Variants in PTPRJ observed in about 807,000 individuals in gnomAD.
The protein encoded by PTPRJ is receptor-type tyrosine-protein phosphatase eta.
In PTPRJ, 129 loss-of-function variants were observed where a neutral mutation model predicts 141.3. The observed-to-expected ratio is 0.91, with a 90% CI of 0.79 to 1.06. The LOEUF is 1.06. Ranked by LOEUF, PTPRJ falls within the 50% of genes least tolerant of loss-of-function variation. The probability of loss-of-function intolerance (pLI) is 0.00; values close to 1 mark genes in which losing one functional copy is unlikely to be tolerated. For missense variants in PTPRJ, 1,601 were observed against 1,679.7 expected, an observed-to-expected ratio of 0.95 and a Z score of 0.82; for synonymous variants, 610 against 640.5, an observed-to-expected ratio of 0.95 and a Z score of 0.72.
At chr11:48,015,988 C>T (rs2134206798) in intron 1 of PTPRJ, 1 of 152,298 alleles carries the variant, frequency 6.6e-6, no homozygotes, top group African/African-American at 2.4e-5. Flanking sequence ...ATACTCAGTG[C>T]CTTTCTGGAT....
chr11:48,003,912 C>T (rs1263456266), intron 1 of PTPRJ, among the ~76,000 whole-genome samples: 2 of 152,136 alleles, frequency 1.3e-5, no homozygotes, highest in Non-Finnish European at 2.9e-5. Context: ...TTCTGTGATC[C>T]TTTTTTAAAA....
chr11:48,009,673 G>A (rs780497723), intron 1 of PTPRJ, among the ~76,000 whole-genome samples: 1 of 152,262 alleles, frequency 6.6e-6, no homozygotes, highest in Non-Finnish European at 1.5e-5. Flanking sequence ...GCACTATAAT[G>A]TGGTGCTTAA....
At position 48,167,590 on chromosome 11, in the gene PTPRJ, G is replaced by C; in HGVS notation, c.*228G>C. The C allele has an allele frequency of 2.5e-6, 1 of 404,138 alleles. No individual in the cohort carries two copies. The highest frequency in any genetic ancestry group is 4.3e-6 in the Non-Finnish European group (1 of 232,708). The allele number at this position is 404,138 out of a possible 1,614,324, so 25.0% of individuals were successfully genotyped here. A position where few individuals can be genotyped will look rare whatever the true frequency, so the allele number is the denominator to read the frequency against. On this transcript the variant is annotated 3_prime_UTR_variant, in exon 25 of 25. Transcript: ENST00000418331. The stretch of plus-strand genomic sequence containing the variant: ...TCATCTGCATTCCTGATGACCAATG[G>C]GATGAGGTCACTTTTTTTTTTTTTC...
chr11:48,136,062 C>T lies in PTPRJ; in HGVS notation c.1639C>T (p.His547Tyr). 1 of 1,614,106 alleles carries T rather than the reference C, an allele frequency of 6.2e-7. No individual in the cohort carries two copies. The highest frequency in any genetic ancestry group is 8.5e-7 in the Non-Finnish European group (1 of 1,179,982). The part of the protein sequence containing the change: ...RTVPSAVFDI[H>Y]VVYVTTTEMW... The stretch of plus-strand genomic sequence containing the variant: ...AGTTCCCAGTGCAGTGTTTGACATC[C>T]ACGTGGTCTACGTCACCACCACGGA... The change falls in exon 9 of 25, where the codon CAC becomes TAC. Residue 547 changes from histidine (H) to tyrosine (Y), a missense_variant. His to Tyr is a moderately conservative substitution (Grantham distance 83). Coordinates refer to ENST00000418331, the MANE Select transcript of PTPRJ (RefSeq NM_002843.4).
chr11:48,152,986 G>T (rs1857519789), intron 18 of PTPRJ, among the ~76,000 whole-genome samples: 1 of 152,024 alleles, frequency 6.6e-6, no homozygotes. Context: ...ATCTTTTTGG[G>T]GCACAGTTTA....
chr11:48,127,061 G>A (rs941803616), intron 6 of PTPRJ, among the ~76,000 whole-genome samples: 6 of 152,206 alleles, frequency 3.9e-5, no homozygotes, highest in Non-Finnish European at 7.3e-5. Context: ...AGGTGATGGA[G>A]GAAGGCACTG....
At chr11:48,124,298 A>G (rs1389335172) in intron 5 of PTPRJ, among the ~76,000 whole-genome samples, 3 of 152,230 alleles carry the variant, frequency 2.0e-5, no homozygotes, top group African/African-American at 7.2e-5. Flanking sequence ...TCTGCATTTT[A>G]TACTTAAGAA....
intron 1 of PTPRJ, among the ~76,000 whole-genome samples, chr11:48,079,702 G>A (rs981973056): frequency 2.6e-5 from 4 of 152,086 alleles, no homozygotes; most frequent in East Asian, 1.9e-4. Context: ...GTGTGTTTGC[G>A]TCTGACCTAA....
intron 1 of PTPRJ, among the ~76,000 whole-genome samples, chr11:48,034,634 C>G (rs978497403): frequency 5.3e-5 from 8 of 151,970 alleles, no homozygotes; most frequent in African/African-American, 1.9e-4. Flanking sequence ...CACAGCAGCC[C>G]TAGGAGGTAG....
At chr11:48,038,473 G>A (rs969177934) in intron 1 of PTPRJ, among the ~76,000 whole-genome samples, 1 of 152,004 alleles carries the variant, frequency 6.6e-6, no homozygotes, top group African/African-American at 2.4e-5. Flanking sequence ...CTGATAACAG[G>A]CAGCTCTGCC....
intron 1 of PTPRJ, among the ~76,000 whole-genome samples, chr11:48,058,328 C>T (rs913257783): frequency 6.6e-6 from 1 of 152,162 alleles, no homozygotes; most frequent in African/African-American, 2.4e-5. Flanking sequence ...CCTCCACCTC[C>T]TGAATAGCTG....
At chr11:48,139,947 T>C (rs1374249782) in intron 11 of PTPRJ, among the ~76,000 whole-genome samples, 171 bp downstream of exon 11, 1 of 152,226 alleles carries the variant, frequency 6.6e-6, no homozygotes, top group African/African-American at 2.4e-5. Context: ...GAAATCAATC[T>C]AAAAAAGCAG....
At chr11:47,982,981 T>C (rs1354165781) in intron 1 of PTPRJ, among the ~76,000 whole-genome samples, 2 of 152,150 alleles carry the variant, frequency 1.3e-5, no homozygotes, top group African/African-American at 4.8e-5. Flanking sequence ...CAGCAGTTCA[T>C]TTTGATAATG....
At chr11:48,086,512 G>C (rs1855715405) in intron 1 of PTPRJ, among the ~76,000 whole-genome samples, 1 of 152,258 alleles carries the variant, frequency 6.6e-6, no homozygotes, top group Admixed American at 6.5e-5. Flanking sequence ...GCATCTTGCA[G>C]ATGGGTAAAC....
chr11:48,011,978 T>C (rs1361551884), intron 1 of PTPRJ, among the ~76,000 whole-genome samples: 1 of 152,174 alleles, frequency 6.6e-6, no homozygotes. Context: ...TTTTTAAAAA[T>C]ACTTGCTTAA....
Position 48,152,413 on chromosome 11 carries a change from T to C in PTPRJ, c.3139-1383T>C, listed in dbSNP as rs570874731. 1.2e-3 allele frequency among the ~76,000 whole-genome samples: 179 copies of C among 152,166 alleles called. 1 individual carries two copies. The highest frequency in any genetic ancestry group is 4.1e-3 in the African/African-American group (170 of 41,542). On this transcript the variant is annotated intron_variant, in intron 18 of 24. Coordinates refer to ENST00000418331, the MANE Select transcript of PTPRJ (RefSeq NM_002843.4). The stretch of plus-strand genomic sequence containing the variant: ...TCTGTAGGTTGCCTGTTCACTCTGA[T>C]GGTAGTTTCTTTTGCTGTGCAGAAG...
intron 1 of PTPRJ, among the ~76,000 whole-genome samples, chr11:48,088,384 C>T (rs1322936271): frequency 2.0e-5 from 3 of 152,224 alleles, no homozygotes; most frequent in Admixed American, 2.0e-4. Context: ...CTTGTAATAA[C>T]TGCCATAAAT....
chr11:48,060,981 AT>A, intron 1 of PTPRJ, among the ~76,000 whole-genome samples: 1 of 152,132 alleles, frequency 6.6e-6, no homozygotes, highest in African/African-American at 2.4e-5. Flanking sequence ...CTTCCTCTTA[AT>A]CTCAATCTCT....
chr11:48,110,812 C>T (rs1043262851), intron 2 of PTPRJ, among the ~76,000 whole-genome samples: 1 of 152,176 alleles, frequency 6.6e-6, no homozygotes, highest in African/African-American at 2.4e-5. Flanking sequence ...TGCTTTCATG[C>T]ACAGGGCTGA....
Sources: gnomAD v4.1 joint callset for allele counts (sites outside exome capture counted in the v4.1 genomes callset) on GRCh38, gnomAD v4.1.1 for gene constraint, MANE v1.5 for transcripts, NCBI Gene and HGNC (gene_info 2026-07-23, HGNC 2026-07-21) for gene names.